Variants in COL4A1 observed in about 807,000 individuals in gnomAD.
The protein encoded by COL4A1 is collagen alpha-1(IV) chain.
A neutral mutation model predicts 216.6 loss-of-function variants in COL4A1; 40 were observed. The observed-to-expected ratio is 0.18, with a 90% CI of 0.14 to 0.24. The LOEUF (loss-of-function observed/expected upper bound fraction) is 0.24, where lower values mean the gene tolerates loss of function less well. COL4A1 is among the 10% of genes least tolerant of loss of function. The pLI is 1.00. For missense variants in COL4A1, 1,628 were observed against 2,196.8 expected (o/e 0.74, Z 5.18); for synonymous variants, 839 against 810.7 (o/e 1.03, Z -0.59).
chr13:110,152,159 T>A (rs1172282322), intron 51 of COL4A1, among the ~76,000 whole-genome samples, 175 bp downstream of exon 51: 1 of 152,224 alleles, frequency 6.6e-6, no homozygotes, highest in Non-Finnish European at 1.5e-5. Context: ...AACCTGTGAC[T>A]GAAGGTCTGC....
chr13:110,180,886 G>A (rs1878120968), intron 29 of COL4A1, among the ~76,000 whole-genome samples: 1 of 152,172 alleles, frequency 6.6e-6, no homozygotes, highest in South Asian at 2.1e-4. Flanking sequence ...GCCCCCCACA[G>A]AAAAGAGCTA....
At chr13:110,170,039 G>A in intron 42 of COL4A1, among the ~76,000 whole-genome samples, 1 of 140,622 alleles carries the variant, frequency 7.1e-6, no homozygotes, top group Non-Finnish European at 1.5e-5. Context: ...AAGGAAGGGA[G>A]GGAAGGAGGG....
rs756430484 is a variant in COL4A1 at position 110,254,251 on chromosome 13, C to G, written c.85-11517G>C. ...GTGCACTGCATATTGTCACATTAAG[C>G]GAGAAATTCCAAACAAATGGTCTAG... On this transcript the variant is annotated intron_variant, in intron 1 of 51. Coordinates refer to ENST00000375820, the MANE Select transcript of COL4A1 (RefSeq NM_001845.6). Among the ~76,000 whole-genome samples the G allele has an allele frequency of 2.0e-5, 3 of 152,116 alleles. No homozygotes were observed. In the East Asian group the frequency reaches 5.8e-4, roughly 29 times the overall value.
chr13:110,287,067 C>G (rs1883870266), intron 1 of COL4A1, among the ~76,000 whole-genome samples: 2 of 152,304 alleles, frequency 1.3e-5, no homozygotes, highest in South Asian at 4.1e-4. Flanking sequence ...TGTCTTTCTT[C>G]ACACAGAGGC....
At chr13:110,232,593 T>C (rs1881112823) in intron 2 of COL4A1, among the ~76,000 whole-genome samples, 2 of 152,334 alleles carry the variant, frequency 1.3e-5, no homozygotes, top group African/African-American at 4.8e-5. Context: ...GCTATTTTCC[T>C]GCCAGCCAAT....
At chr13:110,271,414 G>C (rs1883240505) in intron 1 of COL4A1, among the ~76,000 whole-genome samples, 1 of 152,208 alleles carries the variant, frequency 6.6e-6, no homozygotes, top group Admixed American at 6.5e-5. Context: ...AACCCTCAGA[G>C]TCCCATCATC....
intron 33 of COL4A1, among the ~76,000 whole-genome samples, chr13:110,177,361 A>G (rs1877933761): frequency 6.6e-6 from 1 of 152,228 alleles, no homozygotes; most frequent in African/African-American, 2.4e-5. Context: ...CCTCAGTTCT[A>G]TACAAAATAA....
chr13:110,160,749 C>T (rs1312111917), intron 49 of COL4A1, among the ~76,000 whole-genome samples: 1 of 152,192 alleles, frequency 6.6e-6, no homozygotes, highest in Non-Finnish European at 1.5e-5. Flanking sequence ...CACTCTGTTG[C>T]TCAGGCAGGA....
Position 110,248,427 on chromosome 13 carries a change from C to G in COL4A1, c.85-5693G>C, listed in dbSNP as rs1594087284. The stretch of plus-strand genomic sequence containing the variant: ...CAAATTCCACTCCCAGGGATAAGCC[C>G]CACGGCCACACGGCAGGGGCGCACT... On this transcript the variant is annotated intron_variant, in intron 1 of 51. Coordinates refer to ENST00000375820, the MANE Select transcript of COL4A1 (RefSeq NM_001845.6). Among the ~76,000 whole-genome samples, 5 of 152,344 alleles carry G rather than the reference C, an allele frequency of 3.3e-5. No individual in the cohort carries two copies. In the East Asian group the frequency reaches 9.7e-4, roughly 29 times the overall value.
At chr13:110,281,629 T>C (rs914701734) in intron 1 of COL4A1, among the ~76,000 whole-genome samples, 8 of 152,204 alleles carry the variant, frequency 5.3e-5, no homozygotes, top group African/African-American at 1.9e-4. Context: ...AGAAGACTAG[T>C]CAAGATTTGG....
intron 1 of COL4A1, among the ~76,000 whole-genome samples, chr13:110,295,258 CTTTTTTT>C (rs67516756): frequency 7.4e-6 from 1 of 135,596 alleles, no homozygotes; most frequent in Admixed American, 7.4e-5. Flanking sequence ...TTCTTTCTTT[CTTTTTTT>C]TTTTTTTTTT....
At chr13:110,198,033 C>T (rs540858589) in intron 21 of COL4A1, among the ~76,000 whole-genome samples, 2 of 150,930 alleles carry the variant, frequency 1.3e-5, no homozygotes, top group African/African-American at 4.9e-5. Context: ...CTGGACTTTA[C>T]TAATGTAATC....
At position 110,207,269 on chromosome 13, in the gene COL4A1, C is replaced by T; in HGVS notation, c.780+134G>A. On this transcript the variant is annotated intron_variant, in intron 13 of 51. Transcript: ENST00000375820. This position sits in a 1 kb window ranked among gnomAD's most constrained non-coding sequence, Gnocchi z 4.4. ...AGGGGCTCGTATTTTATGGACTGAA[C>T]AGTCTATAAATCTGTTTTCCAGACC... The T allele has an allele frequency of 1.2e-6, 1 of 805,030 alleles. No homozygotes were observed. Among genetic ancestry groups the T allele is most frequent in the Non-Finnish European group, 2.1e-6 (1 of 468,848 alleles). 49.9% of individuals were successfully genotyped at this position (805,030 alleles called of 1,614,324 possible).
Position 110,183,230 on chromosome 13 carries a change from A to G in COL4A1, c.1944T>C (p.Pro648=). 1.2e-6 allele frequency: 2 copies of G among 1,613,842 alleles called. No homozygotes were observed. Among genetic ancestry groups the G allele is most frequent in the Non-Finnish European group, 1.7e-6 (2 of 1,180,006 alleles). The change falls in exon 27 of 52, where the codon CCT becomes CCC. Residue 648 remains proline, a synonymous_variant. Coordinates refer to ENST00000375820, the MANE Select transcript of COL4A1 (RefSeq NM_001845.6). ...PGKIVPLPGP[P]GAEGLPGSPG... is the part of the protein sequence containing the mutation. ...GGGACCCCGGCAGTCCTTCTGCTCC[A>G]GGGGGGCCTGGTAAAGGAACAATTT...
In COL4A1 at chr13:110,233,500, G is replaced by A. The variant is rs529698822; in HGVS notation, c.144+9175C>T. 7.9e-5 allele frequency among the ~76,000 whole-genome samples: 12 copies of A among 152,238 alleles called. No individual in the cohort carries two copies. The South Asian group carries it at 1.5e-3, about 18-fold the overall frequency. ...TGGCAAAAACGAAGTGATATCTCACGCATGTTCCCCTTTGAATAATAGCTA... is the reference window on the plus strand; with the variant it reads ...TGGCAAAAACGAAGTGATATCTCACACATGTTCCCCTTTGAATAATAGCTA... On this transcript the variant is annotated intron_variant, in intron 2 of 51. Transcript: ENST00000375820.
intron 1 of COL4A1, among the ~76,000 whole-genome samples, chr13:110,293,104 G>C (rs970551544): frequency 6.6e-6 from 1 of 152,202 alleles, no homozygotes; most frequent in African/African-American, 2.4e-5. Context: ...TTCCATTCAA[G>C]GTCACCGTGC....
intron 15 of COL4A1, 130 bp downstream of exon 15, chr13:110,206,535 C>G: frequency 9.4e-7 from 1 of 1,069,378 alleles, no homozygotes. Flanking sequence ...CGGAAAAGCC[C>G]TTCGGGGCAT....
rs1594525556 is a variant in COL4A1, at chr13:110,150,405, G to A, written c.4968C>T (p.Arg1656=). 1 of 1,614,020 alleles carries A rather than the reference G, an allele frequency of 6.2e-7. No individual in the cohort carries two copies. The highest frequency in any genetic ancestry group is 1.1e-5 in the South Asian group (1 of 91,070). The change falls in exon 52 of 52, where the codon CGC becomes CGT. Residue 1656 remains arginine (R), a synonymous_variant. Transcript: ENST00000375820. ...TPSTLKAGEL[R]THVSRCQVCM... ...AGACTTGGCAGCGGCTGACGTGCGTGCGCAGCTCCCCTGCCTTCAAGGTGG... is the reference window on the plus strand; with the variant it reads ...AGACTTGGCAGCGGCTGACGTGCGTACGCAGCTCCCCTGCCTTCAAGGTGG...
chr13:110,176,931 C>T lies in COL4A1; in HGVS notation c.2823G>A (p.Val941=), dbSNP rs776485429. 2.6e-5 allele frequency: 42 copies of T among 1,614,086 alleles called. No homozygotes were observed. The highest frequency in any genetic ancestry group is 1.2e-5 in the Non-Finnish European group (14 of 1,180,062). ...TCTGGCCCTTCATGCTGCCCATGTC[C>T]ACCTTATCCATGGAGCCAGGCTTGC... ...LPGKPGSMDK[V]DMGSMKGQKG... The change falls in exon 34 of 52, where the codon GTG becomes GTA. Residue 941 remains valine (V), a synonymous_variant. Coordinates refer to ENST00000375820, the MANE Select transcript of COL4A1 (RefSeq NM_001845.6).
Sources: gnomAD v4.1 joint callset for allele counts (sites outside exome capture counted in the v4.1 genomes callset) on GRCh38, gnomAD v4.1.1 for gene constraint, Gnocchi (gnomAD v3.1) non-coding constraint, MANE v1.5 for transcripts, NCBI Gene and HGNC (gene_info 2026-07-23, HGNC 2026-07-21) for gene names.